The following SYNRG variants were observed in gnomAD, a reference collection of about 807,000 sequenced individuals.
SYNRG encodes synergin gamma.
SYNRG carries 37 observed loss-of-function variants against 130.9 expected under a neutral mutation model. That is an observed-to-expected ratio of 0.28 (90% CI 0.22 to 0.37). The LOEUF (loss-of-function observed/expected upper bound fraction) is 0.37. Ranked by LOEUF, SYNRG falls within the 10% of genes least tolerant of loss-of-function variation. SYNRG has a pLI of 1.00. For missense variants in SYNRG, 1,338 were observed against 1,588.9 expected (o/e 0.84, Z 2.68); for synonymous variants, 539 against 568.1 (o/e 0.95, Z 0.73).
intron 3 of SYNRG, 35 bp downstream of exon 3, chr17:37,596,188 T>G (rs1200236481): frequency 6.2e-7 from 1 of 1,607,762 alleles, no homozygotes; most frequent in East Asian, 2.2e-5. Flanking sequence ...CAACAAACAA[T>G]AACTTTGTAA....
chr17:37,600,582 T>C, intron 1 of SYNRG, 179 bp from the exon 2 acceptor site: 1 of 722,128 alleles, frequency 1.4e-6, no homozygotes, highest in Non-Finnish European at 2.5e-6. Flanking sequence ...GTCAGCATGC[T>C]ACTGCAGACG....
At chr17:37,522,637 CTTTTTTTTT>C (rs36077729) in intron 19 of SYNRG, among the ~76,000 whole-genome samples, 3 of 97,814 alleles carry the variant, frequency 3.1e-5, no homozygotes, top group African/African-American at 1.3e-4. Context: ...CCAGCTAACA[CTTTTTTTTT>C]TTTTTTTTTT....
chr17:37,599,723 CAAAAAT>C (rs1399466634), intron 2 of SYNRG, among the ~76,000 whole-genome samples: 1 of 151,884 alleles, frequency 6.6e-6, no homozygotes, highest in African/African-American at 2.4e-5. Flanking sequence ...GACTCCATCT[CAAAAAT>C]AAAAATAAAA....
At chr17:37,519,143 A>G (rs951589368) in intron 21 of SYNRG, 72 bp from the exon 22 acceptor site, 2 of 1,572,430 alleles carry the variant, frequency 1.3e-6, no homozygotes, top group African/African-American at 1.4e-5. Flanking sequence ...AGCAACCAAC[A>G]TGTACATCTA....
intron 14 of SYNRG, among the ~76,000 whole-genome samples, chr17:37,548,121 A>AGAGT (rs1464216800): frequency 1.3e-5 from 2 of 152,356 alleles, no homozygotes; most frequent in Admixed American, 1.3e-4. Context: ...AAGAGTTAAA[A>AGAGT]TAAAGCAGTC....
chr17:37,524,607 G>A (rs1055970354), intron 19 of SYNRG, among the ~76,000 whole-genome samples: 4 of 152,196 alleles, frequency 2.6e-5, no homozygotes, highest in African/African-American at 7.2e-5. Flanking sequence ...TTCTTTTGTA[G>A]TGCAACTGTG....
chr17:37,556,194 A>C (rs981484519), intron 13 of SYNRG, among the ~76,000 whole-genome samples: 6 of 152,186 alleles, frequency 3.9e-5, no homozygotes, highest in African/African-American at 1.4e-4. Flanking sequence ...TCACGACTGT[A>C]ATCCCTGCAC....
At chr17:37,519,644 T>TA (rs34802015) in intron 21 of SYNRG, among the ~76,000 whole-genome samples, 35 of 151,058 alleles carry the variant, frequency 2.3e-4, no homozygotes, top group African/African-American at 6.3e-4. Flanking sequence ...GGTATGGAGT[T>TA]AAAAAAAAAT....
At chr17:37,605,892 T>G in intron 1 of SYNRG, 2 of 985,476 alleles carry the variant, frequency 2.0e-6, no homozygotes, top group Non-Finnish European at 2.4e-6. Flanking sequence ...CTTCACTTCT[T>G]AGGCCTAAAC....
At position 37,577,620 on chromosome 17, in the gene SYNRG, A is replaced by G. The variant is rs776188240; in HGVS notation, c.590-7T>C. 4 of 1,605,978 alleles carry G rather than the reference A, an allele frequency of 2.5e-6. No homozygotes were observed. The highest frequency in any genetic ancestry group is 2.6e-6 in the Non-Finnish European group (3 of 1,172,980). ...TTCTCCTCCAAGGAAGGGCCTAAAC[A>G]AAGAGCATGAAGGATTATTTGTATA... On this transcript the variant is annotated splice_polypyrimidine_tract_variant and splice_region_variant and intron_variant, in intron 6 of 21. Coordinates refer to ENST00000612223, the MANE Select transcript of SYNRG (RefSeq NM_007247.6).
At chr17:37,587,245 CAA>C (rs2061763793) in intron 3 of SYNRG, among the ~76,000 whole-genome samples, 1 of 152,184 alleles carries the variant, frequency 6.6e-6, no homozygotes. Context: ...CTCTTGGGCT[CAA>C]GAGATCCTCC....
intron 19 of SYNRG, among the ~76,000 whole-genome samples, chr17:37,535,265 A>T (rs1016198301): frequency 5.5e-5 from 8 of 146,218 alleles, no homozygotes; most frequent in South Asian, 4.3e-4. Context: ...TCATGAAATT[A>T]AAAAAAAAAA....
chr17:37,539,185 T>C lies in SYNRG; in HGVS notation c.3420+7A>G. On this transcript the variant is annotated splice_region_variant and intron_variant, in intron 17 of 21. Coordinates refer to ENST00000612223, the MANE Select transcript of SYNRG (RefSeq NM_007247.6). ...CATATGTGTGAACGCGTAAGTGACA[T>C]ACTCACATTCAGGGCACTCCCCAGG... The C allele has an allele frequency of 6.2e-7, 1 of 1,614,042 alleles. No homozygotes were observed. Among genetic ancestry groups the C allele is most frequent in the Non-Finnish European group, 8.5e-7 (1 of 1,179,972 alleles).
At chr17:37,519,135 C>T in intron 21 of SYNRG, 64 bp from the exon 22 acceptor site, 1 of 1,583,272 alleles carries the variant, frequency 6.3e-7, no homozygotes, top group Non-Finnish European at 8.6e-7. Context: ...AGCTTTTCAG[C>T]AACCAACATG....
intron 14 of SYNRG, among the ~76,000 whole-genome samples, chr17:37,543,959 A>G (rs1020399712): frequency 7.2e-5 from 11 of 152,262 alleles, no homozygotes; most frequent in Admixed American, 6.5e-4. Flanking sequence ...AAGTGCTCAA[A>G]AGTTTTATGA....
chr17:37,529,538 C>CAAAA (rs3049513), intron 19 of SYNRG, among the ~76,000 whole-genome samples: 53 of 124,544 alleles, frequency 4.3e-4, no homozygotes, highest in Middle Eastern at 4.0e-3. Context: ...ATATATTTTA[C>CAAAA]AAAAAAAAAA....
chr17:37,536,597 T>C (rs1396814172), intron 18 of SYNRG: 1 of 155,472 alleles, frequency 6.4e-6, no homozygotes, highest in Non-Finnish European at 1.4e-5. Context: ...CCCAATAAAC[T>C]AGCTGAAAAT....
chr17:37,568,865 G>C lies in SYNRG; in HGVS notation c.1407C>G (p.Ser469=). The change falls in exon 11 of 22, where the codon TCC becomes TCG. Residue 469 remains serine (S), a synonymous_variant. Coordinates refer to ENST00000612223, the MANE Select transcript of SYNRG (RefSeq NM_007247.6). ...GGAAATCACTGAATGAGTCATCAAG[G>C]GATCCTGACTTAGAAGCATCTTGAA... ...QDFQDASKSG[S]LDDSFSDFQE... is the part of the protein sequence containing the mutation. 6.2e-7 allele frequency: 1 copy of C among 1,613,982 alleles called. No homozygotes were observed. Among genetic ancestry groups the C allele is most frequent in the Non-Finnish European group, 8.5e-7 (1 of 1,179,950 alleles).
intron 19 of SYNRG, among the ~76,000 whole-genome samples, chr17:37,533,555 C>A (rs1262811592): frequency 1.3e-5 from 2 of 149,332 alleles, no homozygotes; most frequent in Non-Finnish European, 3.0e-5. Context: ...AAAAAGATTT[C>A]TAATTTCATT....
Sources: allele counts gnomAD v4.1 joint callset (sites outside exome capture counted in the v4.1 genomes callset), GRCh38; gene constraint gnomAD v4.1.1; transcripts MANE v1.5; gene names NCBI Gene and HGNC (gene_info 2026-07-23, HGNC 2026-07-21).